Variants in PRKCA observed in about 807,000 individuals in gnomAD.
The protein encoded by PRKCA is protein kinase C alpha type.
A neutral mutation model predicts 87.0 loss-of-function variants in PRKCA; 27 were observed. The observed-to-expected ratio is 0.31, with a 90% CI of 0.23 to 0.43. The LOEUF (loss-of-function observed/expected upper bound fraction) is 0.43, where lower values mean the gene tolerates loss of function less well. Ranked by LOEUF, PRKCA falls within the 20% of genes least tolerant of loss-of-function variation. The probability of loss-of-function intolerance (pLI) is 1.00; values close to 1 mark genes in which losing one functional copy is unlikely to be tolerated. For missense variants in PRKCA, 518 were observed against 852.3 expected, an observed-to-expected ratio of 0.61 and a Z score of 4.88; for synonymous variants, 329 against 311.1, an observed-to-expected ratio of 1.06 and a Z score of -0.61.
At chr17:66,529,069 C>T (rs1001780739) in intron 3 of PRKCA, among the ~76,000 whole-genome samples, 2 of 152,144 alleles carry the variant, frequency 1.3e-5, no homozygotes, top group African/African-American at 4.8e-5. Flanking sequence ...GTTTTTAAGC[C>T]TCTCTCTGGT....
chr17:66,679,600 C>G (rs1972435991), intron 5 of PRKCA, among the ~76,000 whole-genome samples: 1 of 152,268 alleles, frequency 6.6e-6, no homozygotes, highest in Non-Finnish European at 1.5e-5. Context: ...TCTAGGCACA[C>G]CCAGGGCTCA....
chr17:66,634,842 C>T (rs1971111179), intron 3 of PRKCA, among the ~76,000 whole-genome samples: 1 of 152,184 alleles, frequency 6.6e-6, no homozygotes. Flanking sequence ...ACCTCTCTTT[C>T]CTCCCTGTTA....
chr17:66,718,091 C>T (rs1476820759), intron 8 of PRKCA, among the ~76,000 whole-genome samples: 1 of 152,158 alleles, frequency 6.6e-6, no homozygotes, highest in Non-Finnish European at 1.5e-5. Flanking sequence ...AATTAGCTCC[C>T]CTTCTGTCTT....
intron 8 of PRKCA, among the ~76,000 whole-genome samples, chr17:66,707,951 A>T (rs78577972): frequency 0.051 from 7,711 of 152,238 alleles, 268 homozygotes; most frequent in Non-Finnish European, 0.071. Context: ...CATGGCTTTT[A>T]TAGGCAGCTA....
chr17:66,345,148 T>C (rs1436611063), intron 2 of PRKCA, among the ~76,000 whole-genome samples: 1 of 152,202 alleles, frequency 6.6e-6, no homozygotes, highest in East Asian at 1.9e-4. Flanking sequence ...GGAACTCTTA[T>C]ACCTTATCTT....
intron 2 of PRKCA, among the ~76,000 whole-genome samples, chr17:66,342,440 TAAATAATAATAATAA>T: frequency 1.2e-5 from 1 of 84,252 alleles, no homozygotes; most frequent in East Asian, 2.6e-4. Context: ...TAAAATAAAA[TAAATAATAATAATAA>T]TAATAATAAT....
At chr17:66,772,591 T>C (rs1020721025) in intron 13 of PRKCA, among the ~76,000 whole-genome samples, 2 of 152,190 alleles carry the variant, frequency 1.3e-5, no homozygotes, top group African/African-American at 4.8e-5. Context: ...GTCTTGACCT[T>C]GAATCCTGGC....
intron 3 of PRKCA, among the ~76,000 whole-genome samples, chr17:66,629,685 TA>T (rs142313173): frequency 1.3e-5 from 2 of 152,080 alleles, no homozygotes; most frequent in Non-Finnish European, 2.9e-5. Context: ...TATTTGGTGC[TA>T]AAAAAATGGT....
chr17:66,653,005 A>ACCTGGCC (rs199727861), intron 5 of PRKCA, among the ~76,000 whole-genome samples: 1,742 of 152,300 alleles, frequency 0.011, 27 homozygotes, highest in African/African-American at 0.039. Flanking sequence ...AAGAGCACTC[A>ACCTGGCC]CCTGGCCCCT....
At chr17:66,727,622 G>A (rs1437861051) in intron 8 of PRKCA, among the ~76,000 whole-genome samples, 3 of 146,062 alleles carry the variant, frequency 2.1e-5, no homozygotes, top group East Asian at 3.9e-4. Context: ...TGCTAGTCCC[G>A]TGAAACTGCT....
intron 3 of PRKCA, among the ~76,000 whole-genome samples, chr17:66,559,979 G>T (rs1028548169): frequency 2.0e-5 from 3 of 152,218 alleles, no homozygotes; most frequent in Non-Finnish European, 4.4e-5. Flanking sequence ...GGCCCCAGGA[G>T]CCTGGAGCAC....
chr17:66,583,395 G>A (rs760272435), intron 3 of PRKCA, among the ~76,000 whole-genome samples: 7 of 152,062 alleles, frequency 4.6e-5, no homozygotes, highest in African/African-American at 1.7e-4. Flanking sequence ...GAAATGCAGG[G>A]GTTAAGAATA....
intron 10 of PRKCA, among the ~76,000 whole-genome samples, chr17:66,737,078 C>T (rs993000741): frequency 6.6e-5 from 10 of 152,090 alleles, no homozygotes; most frequent in Admixed American, 1.3e-4. Flanking sequence ...CATGGCCGGG[C>T]GCGGTGGCTC....
intron 3 of PRKCA, among the ~76,000 whole-genome samples, chr17:66,555,359 G>A (rs1327030011): frequency 6.6e-6 from 1 of 152,108 alleles, no homozygotes; most frequent in Non-Finnish European, 1.5e-5. Context: ...TTTTATGGAA[G>A]TTGCCACCTG....
chr17:66,761,488 G>T (rs990720447), intron 13 of PRKCA, among the ~76,000 whole-genome samples: 1 of 151,394 alleles, frequency 6.6e-6, no homozygotes, highest in African/African-American at 2.4e-5. Context: ...ATGGAGTCTC[G>T]CTCTGTTGCC....
At chr17:66,620,094 G>T (rs1970633130) in intron 3 of PRKCA, among the ~76,000 whole-genome samples, 1 of 152,192 alleles carries the variant, frequency 6.6e-6, no homozygotes, top group Non-Finnish European at 1.5e-5. Context: ...AATGGGTCAT[G>T]CAGCTTTCAA....
intron 14 of PRKCA, among the ~76,000 whole-genome samples, chr17:66,778,440 C>T (rs1359845453): frequency 1.3e-5 from 2 of 152,120 alleles, no homozygotes; most frequent in African/African-American, 2.4e-5. Context: ...GGCGTGAACC[C>T]GGGAGGCGGA....
At chr17:66,534,432 C>A (rs1041983799) in intron 3 of PRKCA, among the ~76,000 whole-genome samples, 2 of 152,054 alleles carry the variant, frequency 1.3e-5, no homozygotes, top group African/African-American at 4.8e-5. Context: ...CTTTGGGAGG[C>A]CGAGGTGGGC....
chr17:66,650,353 C>CA (rs1971560631), intron 5 of PRKCA, among the ~76,000 whole-genome samples: 1 of 137,986 alleles, frequency 7.2e-6, no homozygotes, highest in Non-Finnish European at 1.6e-5. Context: ...AGAATGGTGT[C>CA]GGGGTTTTTT....
Sources: allele counts gnomAD v4.1 joint callset (sites outside exome capture counted in the v4.1 genomes callset), GRCh38; gene constraint gnomAD v4.1.1; transcripts MANE v1.5; gene names NCBI Gene and HGNC (gene_info 2026-07-23, HGNC 2026-07-21).